PRKN: variants seen among roughly 807,000 people sequenced by gnomAD.
The protein encoded by PRKN is parkin RBR E3 ubiquitin protein ligase.
PRKN carries 56 observed loss-of-function variants against 59.5 expected under a neutral mutation model. That is an observed-to-expected ratio of 0.94 (90% CI 0.76 to 1.18). PRKN has a LOEUF of 1.18. Ranked by LOEUF, PRKN falls within the 50% of genes most tolerant of loss-of-function variation. The probability of loss-of-function intolerance (pLI) is 0.00; values close to 1 mark genes in which losing one functional copy is unlikely to be tolerated. For synonymous variants in PRKN, 250 were observed against 222.1 expected, an observed-to-expected ratio of 1.13 and a Z score of -1.12; for missense variants, 657 against 596.4, an observed-to-expected ratio of 1.10 and a Z score of -1.06.
chr6:162,160,913 A>G (rs1314729724), intron 4 of PRKN, among the ~76,000 whole-genome samples: 7 of 147,860 alleles, frequency 4.7e-5, no homozygotes, highest in South Asian at 2.1e-4. Flanking sequence ...AAAAAAAAAA[A>G]AAAAGAAAAA....
intron 2 of PRKN, among the ~76,000 whole-genome samples, chr6:162,398,350 C>T (rs1198120655): frequency 1.3e-5 from 2 of 151,478 alleles, no homozygotes; most frequent in African/African-American, 4.8e-5. Context: ...CACAAATTTG[C>T]TGTTATAAAG....
chr6:162,366,593 T>A (rs1785449654), intron 2 of PRKN, among the ~76,000 whole-genome samples: 1 of 152,162 alleles, frequency 6.6e-6, no homozygotes, highest in African/African-American at 2.4e-5. Flanking sequence ...ATCATACCTA[T>A]AAAGTGGTGT....
Position 161,417,104 on chromosome 6 carries a change from G to A in PRKN, c.1084-30227C>T, listed in dbSNP as rs1787886274. Among the ~76,000 whole-genome samples the A allele has an allele frequency of 1.3e-5, 2 of 152,184 alleles. No homozygotes were observed. Among genetic ancestry groups the A allele is most frequent in the South Asian group, 4.1e-4 (2 of 4,836 alleles). ...GACCTGGGCCAAGAGCAAGAAGAGA[G>A]CTTGCTTGTGGGTCCAGAGTTTCTG... On this transcript the variant is annotated intron_variant, in intron 9 of 11. Transcript: ENST00000366898. This position sits in a 1 kb window ranked among gnomAD's most constrained non-coding sequence, Gnocchi z 5.4.
intron 6 of PRKN, among the ~76,000 whole-genome samples, chr6:161,942,823 A>T (rs932362682): frequency 2.6e-5 from 4 of 152,214 alleles, no homozygotes; most frequent in Non-Finnish European, 5.9e-5. Flanking sequence ...GTAATAAAAA[A>T]TACAGCATAT....
chr6:162,107,399 A>C (rs1780233885), intron 4 of PRKN, among the ~76,000 whole-genome samples: 1 of 152,210 alleles, frequency 6.6e-6, no homozygotes. Context: ...CAGGAGGTGG[A>C]GGTTGCAGTG....
chr6:161,896,529 A>C (rs1777632618), intron 6 of PRKN, among the ~76,000 whole-genome samples: 1 of 152,188 alleles, frequency 6.6e-6, no homozygotes. Context: ...CGCCATATAG[A>C]GTAGAAACAT....
intron 6 of PRKN, among the ~76,000 whole-genome samples, chr6:161,829,052 C>A (rs959778205): frequency 3.3e-5 from 5 of 151,842 alleles, no homozygotes; most frequent in South Asian, 2.1e-4. Context: ...CATGGTGAAA[C>A]CTGTCTCTAG....
intron 2 of PRKN, among the ~76,000 whole-genome samples, chr6:162,263,708 CT>C (rs567767145): frequency 3.0e-4 from 45 of 152,202 alleles, no homozygotes; most frequent in African/African-American, 1.1e-3. Flanking sequence ...AATCCCAGCA[CT>C]TTGAGAGGCC....
chr6:161,645,302 C>T (rs555303556), intron 7 of PRKN, among the ~76,000 whole-genome samples: 168 of 151,656 alleles, frequency 1.1e-3, no homozygotes, highest in African/African-American at 3.5e-3. Context: ...GATGTAGATG[C>T]TTAACTTAAA....
At chr6:162,463,680 A>G (rs1389896385) in intron 1 of PRKN, among the ~76,000 whole-genome samples, 1 of 152,166 alleles carries the variant, frequency 6.6e-6, no homozygotes, top group Non-Finnish European at 1.5e-5. Context: ...CAGCTCCCTG[A>G]CCCAGGAATC....
At chr6:162,681,721 G>A (rs1330609626) in intron 1 of PRKN, among the ~76,000 whole-genome samples, 1 of 152,096 alleles carries the variant, frequency 6.6e-6, no homozygotes, top group African/African-American at 2.4e-5. Context: ...TGTGACCTTT[G>A]TAACTTCATT....
At chr6:162,400,668 G>A (rs1195408216) in intron 2 of PRKN, among the ~76,000 whole-genome samples, 4 of 152,088 alleles carry the variant, frequency 2.6e-5, no homozygotes, top group Admixed American at 1.3e-4. Context: ...TGTCCTGACT[G>A]TAAAACAACA....
At chr6:162,042,273 T>C (rs1482970577) in intron 5 of PRKN, among the ~76,000 whole-genome samples, 1 of 152,082 alleles carries the variant, frequency 6.6e-6, no homozygotes, top group Non-Finnish European at 1.5e-5. Flanking sequence ...AAAAATGCAC[T>C]GACTATGGTT....
intron 2 of PRKN, among the ~76,000 whole-genome samples, chr6:162,268,996 A>T (rs975002281): frequency 8.5e-6 from 1 of 117,586 alleles, no homozygotes; most frequent in Non-Finnish European, 1.6e-5. Context: ...TAAAGAGGAA[A>T]CAAAACAAAA....
At chr6:162,623,384 A>C (rs1318462731) in intron 1 of PRKN, among the ~76,000 whole-genome samples, 3 of 152,208 alleles carry the variant, frequency 2.0e-5, no homozygotes, top group Non-Finnish European at 4.4e-5. Context: ...TTATCTGCAC[A>C]CATTGCTACA....
intron 7 of PRKN, among the ~76,000 whole-genome samples, chr6:161,691,040 T>TTCCATCCATCCATCCA (rs111800155): frequency 0.014 from 2,055 of 145,376 alleles, 20 homozygotes; most frequent in Middle Eastern, 0.034. Context: ...CTCCTTTCCT[T>TTCCATCCATCCATCCA]TCCATCCATC....
chr6:162,351,178 G>A (rs554414222), intron 2 of PRKN, among the ~76,000 whole-genome samples: 43 of 152,022 alleles, frequency 2.8e-4, no homozygotes, highest in Non-Finnish European at 5.7e-4. Context: ...GCCACAGAGC[G>A]AGTCTACGTT....
At chr6:161,824,076 A>G (rs929998842) in intron 6 of PRKN, among the ~76,000 whole-genome samples, 3 of 152,186 alleles carry the variant, frequency 2.0e-5, no homozygotes, top group African/African-American at 7.2e-5. Flanking sequence ...CTGAAGTAAC[A>G]TACTCCCAGG....
At chr6:162,704,092 A>C (rs879905909) in intron 1 of PRKN, among the ~76,000 whole-genome samples, 2 of 152,156 alleles carry the variant, frequency 1.3e-5, no homozygotes, top group Non-Finnish European at 2.9e-5. Flanking sequence ...GTACCCGCTG[A>C]GCCTCAGTGA....
Sources: gnomAD v4.1 joint callset for allele counts (sites outside exome capture counted in the v4.1 genomes callset) on GRCh38, gnomAD v4.1.1 for gene constraint, Gnocchi (gnomAD v3.1) non-coding constraint, MANE v1.5 for transcripts, NCBI Gene and HGNC (gene_info 2026-07-23, HGNC 2026-07-21) for gene names.